The following PAH variants were observed in gnomAD, a reference collection of about 807,000 sequenced individuals.
PAH encodes the protein phenylalanine hydroxylase, also known as phenylalanine-4-hydroxylase.
In PAH, 64 loss-of-function variants were observed where a neutral mutation model predicts 62.0. The observed-to-expected ratio is 1.03, with a 90% CI of 0.84 to 1.27. The LOEUF (loss-of-function observed/expected upper bound fraction) is 1.27, where lower values mean the gene tolerates loss of function less well. Among genes scored for constraint, PAH ranks in the 50% most tolerant of loss-of-function variants. The pLI is 0.00. For synonymous variants in PAH, 195 were observed against 196.2 expected (o/e 0.99, Z 0.05); for missense variants, 579 against 542.8 (o/e 1.07, Z -0.66).
intron 1 of PAH, among the ~76,000 whole-genome samples, chr12:102,955,896 G>T (rs1879896408): frequency 6.6e-6 from 1 of 152,144 alleles, no homozygotes; most frequent in South Asian, 2.1e-4. Context: ...ATTGACCTCT[G>T]TTGGCACGAT....
intron 2 of PAH, among the ~76,000 whole-genome samples, chr12:102,898,772 C>T (rs1317442713): frequency 6.6e-6 from 1 of 152,188 alleles, no homozygotes; most frequent in African/African-American, 2.4e-5. Flanking sequence ...AGTTTTTTAA[C>T]CACACTGCCT....
chr12:102,895,622 A>G (rs1394948805), intron 2 of PAH, among the ~76,000 whole-genome samples: 1 of 151,964 alleles, frequency 6.6e-6, no homozygotes, highest in Admixed American at 6.6e-5. Context: ...CGAGGTGGGC[A>G]GATTGCCTGA....
chr12:102,857,806 C>G (rs1015713183), intron 5 of PAH, among the ~76,000 whole-genome samples: 3 of 152,124 alleles, frequency 2.0e-5, no homozygotes, highest in Non-Finnish European at 4.4e-5. Context: ...GCCTGCCCTA[C>G]AAGAGCTCCT....
intron 1 of PAH, among the ~76,000 whole-genome samples, chr12:102,916,166 AT>A (rs1020425623): frequency 5.9e-5 from 9 of 152,064 alleles, no homozygotes; most frequent in East Asian, 1.9e-4. Flanking sequence ...AAGGATTCAA[AT>A]AAAAATCAGT....
Position 102,957,601 on chromosome 12 carries a change from G to A in PAH, c.-96+594C>T, listed in dbSNP as rs1438168301. The A allele has an allele frequency of 6.6e-6, 1 of 151,474 alleles. No homozygotes were observed. The highest frequency in any genetic ancestry group is 2.0e-4 in the East Asian group (1 of 5,100). 9.4% of individuals were successfully genotyped at this position (151,474 alleles called of 1,614,324 possible). ...CGCTCGCTGCAGCAGCGGGGAGTGG[G>A]GGGCGAGGCGGGGCCAGGGCTGCGC... On this transcript the variant is annotated intron_variant, in intron 1 of 4. Coordinates refer to the PAH transcript ENST00000551337. This position sits in a 1 kb window ranked among gnomAD's most constrained non-coding sequence, Gnocchi z 4.1.
chr12:102,956,133 C>T (rs1307278969), intron 1 of PAH, among the ~76,000 whole-genome samples: 2 of 152,168 alleles, frequency 1.3e-5, no homozygotes, highest in Admixed American at 1.3e-4. Context: ...ACCAATTATC[C>T]GGATAATTCA....
At chr12:102,893,774 G>A (rs1009282488) in intron 3 of PAH, among the ~76,000 whole-genome samples, 5 of 152,156 alleles carry the variant, frequency 3.3e-5, no homozygotes, top group African/African-American at 7.2e-5. Context: ...TTTCCTCCCC[G>A]GAGGATGAGT....
At chr12:102,842,376 A>C (rs2136634189) in intron 11 of PAH, among the ~76,000 whole-genome samples, 1 of 152,336 alleles carries the variant, frequency 6.6e-6, no homozygotes, top group African/African-American at 2.4e-5. Context: ...ATTTTAGGCC[A>C]CACCAAGTGG....
intron 8 of PAH, among the ~76,000 whole-genome samples, chr12:102,849,669 C>A (rs1875061971): frequency 6.6e-6 from 1 of 152,142 alleles, no homozygotes; most frequent in African/African-American, 2.4e-5. Flanking sequence ...AAATTCTTAG[C>A]CTGGATCTGC....
intron 3 of PAH, among the ~76,000 whole-genome samples, chr12:102,888,473 C>T (rs1442247377): frequency 6.6e-6 from 1 of 150,948 alleles, no homozygotes; most frequent in Non-Finnish European, 1.5e-5. Flanking sequence ...CTGAGGGATT[C>T]CTCTTAGAAT....
chr12:102,926,580 A>G (rs1433294714), intron 1 of PAH, among the ~76,000 whole-genome samples: 4 of 151,986 alleles, frequency 2.6e-5, no homozygotes, highest in South Asian at 4.2e-4. Context: ...AAAAACCACA[A>G]TTACTTTTGC....
At chr12:102,940,047 G>A (rs971519189) in intron 1 of PAH, among the ~76,000 whole-genome samples, 1 of 152,174 alleles carries the variant, frequency 6.6e-6, no homozygotes, top group Admixed American at 6.5e-5. Flanking sequence ...CTACTGAACT[G>A]CAGCTGAAAC....
intron 4 of PAH, among the ~76,000 whole-genome samples, chr12:102,873,765 A>G (rs80314076): frequency 0.019 from 2,959 of 152,300 alleles, 101 homozygotes; most frequent in African/African-American, 0.067. Flanking sequence ...ATTTCATTAA[A>G]AAGAGTTCCG....
chr12:102,842,507 C>G (rs12829528), intron 11 of PAH, among the ~76,000 whole-genome samples: 495 of 152,230 alleles, frequency 3.3e-3, no homozygotes, highest in South Asian at 7.7e-3. Flanking sequence ...AAAGGGTTCT[C>G]AAACAAATGT....
intron 5 of PAH, among the ~76,000 whole-genome samples, chr12:102,863,350 C>T (rs1364865120): frequency 6.6e-6 from 1 of 152,170 alleles, no homozygotes; most frequent in East Asian, 1.9e-4. Context: ...TGCTGGTTGA[C>T]ACCTGCTGTT....
In PAH at chr12:102,859,670, T is replaced by C. The variant is rs1465424168; in HGVS notation, c.510-4338A>G. ...CCTGGGATGCAAGGCTGGTTCAACA[T>C]ACACAAATCAATAAATGTAATCCAG... is the stretch of plus-strand genomic sequence containing the variant. On this transcript the variant is annotated intron_variant, in intron 5 of 12. Transcript: ENST00000553106. 2.0e-5 allele frequency among the ~76,000 whole-genome samples: 3 copies of C among 152,172 alleles called. 1 individual carries two copies. The highest frequency in any genetic ancestry group is 2.9e-5 in the Non-Finnish European group (2 of 68,032).
intron 9 of PAH, among the ~76,000 whole-genome samples, chr12:102,845,925 T>C (rs1874820552): frequency 6.6e-6 from 1 of 152,218 alleles, no homozygotes; most frequent in Non-Finnish European, 1.5e-5. Flanking sequence ...GCAGATAACA[T>C]GATGCTTTGA....
chr12:102,844,250 AGG>A (rs2136636560), intron 10 of PAH, 84 bp downstream of exon 10: 2 of 924,084 alleles, frequency 2.2e-6, no homozygotes, highest in South Asian at 2.7e-5. Context: ...GGATACAAAT[AGG>A]GTTTCAACAA....
At chr12:102,878,084 C>T (rs2136680045) in intron 3 of PAH, among the ~76,000 whole-genome samples, 1 of 152,290 alleles carries the variant, frequency 6.6e-6, no homozygotes, top group South Asian at 2.1e-4. Flanking sequence ...CTTGGCCTCC[C>T]AAAGTGCTGG....
Sources: gnomAD v4.1 joint callset for allele counts (sites outside exome capture counted in the v4.1 genomes callset) on GRCh38, gnomAD v4.1.1 for gene constraint, Gnocchi (gnomAD v3.1) non-coding constraint, MANE v1.5 for transcripts, NCBI Gene and HGNC (gene_info 2026-07-23, HGNC 2026-07-21) for gene names.